MTMR2: variants seen among roughly 807,000 people sequenced by gnomAD.
MTMR2 encodes the protein myotubularin related protein 2.
A neutral mutation model predicts 86.9 loss-of-function variants in MTMR2; 55 were observed. The observed-to-expected ratio is 0.63, with a 90% confidence interval of 0.51 to 0.79. The LOEUF (loss-of-function observed/expected upper bound fraction) is 0.79. Ranked by LOEUF, MTMR2 falls within the 30% of genes least tolerant of loss-of-function variation. The pLI is 0.00. For synonymous variants in MTMR2, 241 were observed against 266.8 expected, an observed-to-expected ratio of 0.90 and a Z score of 0.94; for missense variants, 659 against 772.3, an observed-to-expected ratio of 0.85 and a Z score of 1.74.
At chr11:95,908,370 C>T (rs1866370768) in intron 1 of MTMR2, among the ~76,000 whole-genome samples, 3 of 152,086 alleles carry the variant, frequency 2.0e-5, no homozygotes, top group Admixed American at 6.6e-5. Context: ...ACATTCCATG[C>T]TCATGGATAG....
rs1051856209 is a variant in MTMR2 at position 95,863,485 on chromosome 11, T to C, written c.263-1119A>G. On this transcript the variant is annotated intron_variant, in intron 3 of 14. Transcript: ENST00000346299. ...TAAATCGTTTCGAATGCATATTTCA[T>C]TTAGAGGGAAGCTTTTAAAATTAAA... Among the ~76,000 whole-genome samples the C allele has an allele frequency of 2.3e-4, 35 of 152,294 alleles. No homozygotes were observed. The Middle Eastern group carries it at 0.01, about 44-fold the overall frequency.
intron 1 of MTMR2, among the ~76,000 whole-genome samples, chr11:95,889,838 CTCAAA>C (rs1180619071): frequency 3.3e-5 from 5 of 151,998 alleles, no homozygotes; most frequent in African/African-American, 1.2e-4. Context: ...GTAGAAAAAC[CTCAAA>C]TACTTTGAAT....
At chr11:95,887,731 A>C (rs1391005952) in intron 2 of MTMR2, 1 of 186,786 alleles carries the variant, frequency 5.4e-6, no homozygotes, top group African/African-American at 2.4e-5. Flanking sequence ...TCTTGGACAT[A>C]TTACTTAATC....
rs144150539 is a variant in MTMR2 at position 95,876,497 on chromosome 11, T to C, written c.187-10821A>G. ...GCTAGCCAACCTGTTTTCTATGAGATGCATCAGAACCCTGCCTGACTCTGG... is the reference window on the plus strand; with the variant it reads ...GCTAGCCAACCTGTTTTCTATGAGACGCATCAGAACCCTGCCTGACTCTGG... On this transcript the variant is annotated intron_variant, in intron 2 of 14. Transcript: ENST00000346299. Among the ~76,000 whole-genome samples, 597 of 152,334 alleles carry C rather than the reference T, an allele frequency of 3.9e-3. 6 individuals carry two copies. The highest frequency in any genetic ancestry group is 0.014 in the African/African-American group (573 of 41,590).
intron 4 of MTMR2, 57 bp from the exon 5 acceptor site, chr11:95,862,159 G>C: frequency 1.3e-6 from 2 of 1,534,262 alleles, no homozygotes; most frequent in Non-Finnish European, 1.8e-6. Flanking sequence ...TCCAATTATA[G>C]AGCTGATCAA....
chr11:95,891,082 C>T (rs1209616510), intron 1 of MTMR2, among the ~76,000 whole-genome samples: 1 of 152,120 alleles, frequency 6.6e-6, no homozygotes, highest in East Asian at 1.9e-4. Flanking sequence ...TTGAATATAA[C>T]TTGAAATTAT....
chr11:95,853,036 T>TTA (rs71459780), intron 7 of MTMR2, among the ~76,000 whole-genome samples: 45,765 of 148,400 alleles, frequency 0.31, 8,074 homozygotes, highest in Non-Finnish European at 0.4. Context: ...TTCTAAAAAT[T>TTA]TATATATAAT....
intron 1 of MTMR2, among the ~76,000 whole-genome samples, chr11:95,910,098 A>AAC (rs137969295): frequency 0.14 from 21,409 of 148,676 alleles, 2,057 homozygotes; most frequent in African/African-American, 0.27. Flanking sequence ...TTTAAATATA[A>AAC]ACACACACAC....
intron 1 of MTMR2, among the ~76,000 whole-genome samples, chr11:95,909,537 C>A (rs1206536688): frequency 6.6e-6 from 1 of 152,118 alleles, no homozygotes; most frequent in African/African-American, 2.4e-5. Context: ...AACTTAGCTT[C>A]CTCGGAAGGA....
chr11:95,911,980 C>T (rs891464551), intron 1 of MTMR2, among the ~76,000 whole-genome samples: 1 of 151,882 alleles, frequency 6.6e-6, no homozygotes, highest in African/African-American at 2.4e-5. Flanking sequence ...CCAAGACAAG[C>T]AAAACTGTTT....
At chr11:95,881,369 T>C (rs987886827) in intron 2 of MTMR2, among the ~76,000 whole-genome samples, 3 of 152,134 alleles carry the variant, frequency 2.0e-5, no homozygotes, top group Non-Finnish European at 4.4e-5. Context: ...AATTTTAGAG[T>C]CAGCTAAAAT....
chr11:95,885,179 G>A (rs111947060), intron 2 of MTMR2, among the ~76,000 whole-genome samples: 4,702 of 152,094 alleles, frequency 0.031, 128 homozygotes, highest in South Asian at 0.073. Context: ...TACGTCTAAC[G>A]TTAAACCTGA....
intron 2 of MTMR2, among the ~76,000 whole-genome samples, chr11:95,884,033 T>C (rs1865431573): frequency 6.6e-6 from 1 of 152,192 alleles, no homozygotes; most frequent in African/African-American, 2.4e-5. Context: ...ACTGGAAGCC[T>C]AGAGGTTAAC....
In MTMR2 at chr11:95,881,640, T is replaced by G. The variant is rs141616840; in HGVS notation, c.186+6516A>C. 6.3e-3 allele frequency among the ~76,000 whole-genome samples: 960 copies of G among 152,246 alleles called. 12 individuals carry two copies. Among genetic ancestry groups the G allele is most frequent in the African/African-American group, 0.022 (903 of 41,572 alleles). ...TTAAATCACATTTTCTAAACATTTT[T>G]GCTAAGGTACAAAAGCATGATCTTT... On this transcript the variant is annotated intron_variant, in intron 2 of 14. Transcript: ENST00000346299.
At chr11:95,904,468 A>C (rs1168864913) in intron 1 of MTMR2, among the ~76,000 whole-genome samples, 1 of 152,184 alleles carries the variant, frequency 6.6e-6, no homozygotes, top group Non-Finnish European at 1.5e-5. Context: ...CAGGAGATTA[A>C]GGCATTCTAA....
At chr11:95,882,779 G>A (rs1865377777) in intron 2 of MTMR2, among the ~76,000 whole-genome samples, 1 of 147,718 alleles carries the variant, frequency 6.8e-6, no homozygotes. Flanking sequence ...CTGGAGTGCA[G>A]TGGCACGATC....
intron 2 of MTMR2, among the ~76,000 whole-genome samples, chr11:95,870,723 CT>C (rs1002042311): frequency 4.0e-5 from 5 of 124,012 alleles, no homozygotes; most frequent in Admixed American, 1.5e-4. Flanking sequence ...TTTTAAGGTT[CT>C]TTTTTTCTTT....
intron 2 of MTMR2, among the ~76,000 whole-genome samples, chr11:95,884,896 T>A (rs1408882852): frequency 6.6e-6 from 1 of 152,084 alleles, no homozygotes; most frequent in Non-Finnish European, 1.5e-5. Context: ...ACATACTACT[T>A]TTCTTTTTTT....
chr11:95,878,884 A>G (rs1205500383), intron 2 of MTMR2, among the ~76,000 whole-genome samples: 2 of 152,150 alleles, frequency 1.3e-5, no homozygotes, highest in African/African-American at 4.8e-5. Flanking sequence ...CCTCATACCA[A>G]GGAGAATGAG....
Sources: gnomAD v4.1 joint callset for allele counts (sites outside exome capture counted in the v4.1 genomes callset) on GRCh38, gnomAD v4.1.1 for gene constraint, MANE v1.5 for transcripts, NCBI Gene and HGNC (gene_info 2026-07-23, HGNC 2026-07-21) for gene names.